Variants in SRP72 observed in about 807,000 individuals in gnomAD.
SRP72 encodes signal recognition particle 72.
Under a neutral mutation model 96.3 loss-of-function variants are expected in SRP72, and 49 were observed. The ratio of observed to expected loss-of-function variants is 0.51; its 90% CI spans 0.40 to 0.65. The LOEUF (loss-of-function observed/expected upper bound fraction) is 0.65. Among genes scored for constraint, SRP72 ranks in the 30% least tolerant of loss-of-function variants. SRP72 has a pLI of 0.00. For synonymous variants in SRP72, 267 were observed against 275.2 expected (o/e 0.97, Z 0.30); for missense variants, 736 against 793.3 (o/e 0.93, Z 0.87).
intron 3 of SRP72, among the ~76,000 whole-genome samples, chr4:56,472,838 G>A (rs911707654): frequency 1.3e-5 from 2 of 152,082 alleles, no homozygotes; most frequent in Non-Finnish European, 2.9e-5. Flanking sequence ...AGCATTTTGA[G>A]GTTAAGGACA....
chr4:56,496,373 G>T (rs1196459292), intron 17 of SRP72, among the ~76,000 whole-genome samples: 2 of 152,058 alleles, frequency 1.3e-5, no homozygotes, highest in Non-Finnish European at 2.9e-5. Flanking sequence ...TACCATTTTA[G>T]TGGAGTTTGA....
At chr4:56,492,660 AC>A (rs1720949143) in intron 16 of SRP72, among the ~76,000 whole-genome samples, 1 of 152,220 alleles carries the variant, frequency 6.6e-6, no homozygotes, top group South Asian at 2.1e-4. Flanking sequence ...TCTCATAATA[AC>A]TTCCAAAACT....
intron 17 of SRP72, among the ~76,000 whole-genome samples, chr4:56,500,227 G>A (rs1053094460): frequency 7.2e-5 from 11 of 152,012 alleles, no homozygotes; most frequent in Non-Finnish European, 2.9e-5. Context: ...GCGGTGGGAG[G>A]CTAGGGGAGG....
chr4:56,491,621 A>G (rs889975073), intron 16 of SRP72, 53 bp downstream of exon 16: 9 of 1,520,880 alleles, frequency 5.9e-6, no homozygotes, highest in African/African-American at 1.4e-5. Flanking sequence ...TTAGACAAGG[A>G]ATAAAAAATA....
chr4:56,478,684 T>G, intron 8 of SRP72, 35 bp downstream of exon 8: 1 of 1,591,090 alleles, frequency 6.3e-7, no homozygotes, highest in Non-Finnish European at 8.6e-7. Flanking sequence ...AGATATATTT[T>G]ACCCTGAAAG....
At chr4:56,493,373 A>G (rs901658350) in intron 16 of SRP72, among the ~76,000 whole-genome samples, 2 of 152,106 alleles carry the variant, frequency 1.3e-5, no homozygotes, top group Non-Finnish European at 2.9e-5. Flanking sequence ...TAAGATATAC[A>G]TTGACTTTTT....
Position 56,484,842 on chromosome 4 carries a change from C to T in SRP72, c.1064C>T (p.Thr355Ile). The change falls in exon 10 of 19, where the codon ACA becomes ATA. Residue 355 changes from threonine (T) to isoleucine (I), a missense_variant. Thr to Ile is a moderately conservative substitution (Grantham distance 89). This residue lies in a region of SRP72 where 388 missense variants were observed against 431.8 expected (regional missense o/e 0.90). Transcript: ENST00000642900. ...CAGCTCTGCCGTGAAAAGCAGCACA[C>T]AAAAGCAATAGAGCTGCTTCAGGTA... ...AAQLCREKQHTKAIELLQEFS... is the reference protein window; with the variant it reads ...AAQLCREKQHIKAIELLQEFS... The T allele has an allele frequency of 6.2e-7, 1 of 1,613,166 alleles. No homozygotes were observed. Among genetic ancestry groups the T allele is most frequent in the Non-Finnish European group, 8.5e-7 (1 of 1,179,842 alleles).
At chr4:56,478,713 GT>G (rs1411207202) in intron 8 of SRP72, 64 bp downstream of exon 8, 1 of 1,527,442 alleles carries the variant, frequency 6.5e-7, no homozygotes, top group Admixed American at 1.9e-5. Context: ...CCTAGTTTTA[GT>G]TTTGTTCTAG....
At chr4:56,468,261 G>A (rs1308239306) in intron 1 of SRP72, among the ~76,000 whole-genome samples, 1 of 152,134 alleles carries the variant, frequency 6.6e-6, no homozygotes, top group Non-Finnish European at 1.5e-5. Context: ...GAGAGGAAAG[G>A]GCTGGATCTG....
intron 8 of SRP72, among the ~76,000 whole-genome samples, chr4:56,479,103 T>C (rs1720365797): frequency 1.3e-5 from 2 of 152,134 alleles, no homozygotes; most frequent in Non-Finnish European, 2.9e-5. Context: ...CCATGTAAAA[T>C]ACTATAAATA....
At chr4:56,473,980 A>G (rs1560675720) in intron 3 of SRP72, 74 bp from the exon 4 acceptor site, 8 of 1,485,724 alleles carry the variant, frequency 5.4e-6, no homozygotes, top group African/African-American at 1.4e-5. Flanking sequence ...AGTGGTTCCA[A>G]AAAAGGTTTG....
chr4:56,476,535 G>A (rs572576720), intron 5 of SRP72, 136 bp from the exon 6 acceptor site: 3 of 872,430 alleles, frequency 3.4e-6, no homozygotes, highest in Admixed American at 2.3e-5. Flanking sequence ...TGATGCTAAT[G>A]TAAATTTCAC....
intron 12 of SRP72, among the ~76,000 whole-genome samples, chr4:56,488,328 A>G (rs926259445): frequency 4.6e-5 from 7 of 152,176 alleles, no homozygotes; most frequent in African/African-American, 1.4e-4. Flanking sequence ...AATTAGAACA[A>G]TTTCATAATT....
intron 9 of SRP72, among the ~76,000 whole-genome samples, chr4:56,484,223 A>T (rs1290334918): frequency 6.6e-6 from 1 of 151,588 alleles, no homozygotes; most frequent in Non-Finnish European, 1.5e-5. Flanking sequence ...TTTAGTAGAG[A>T]CGGGGTTTCA....
intron 8 of SRP72, among the ~76,000 whole-genome samples, chr4:56,478,871 T>C (rs1256311362): frequency 1.3e-5 from 2 of 152,188 alleles, no homozygotes; most frequent in Non-Finnish European, 2.9e-5. Flanking sequence ...CCCTAGACTT[T>C]AAGATCCTCC....
chr4:56,502,465 TTATATATATATATA>T lies in SRP72; in HGVS notation c.*608_*621del, dbSNP rs201131530. 7.7e-6 allele frequency: 1 copy of T among 129,344 alleles called. No individual in the cohort carries two copies. Among genetic ancestry groups the T allele is most frequent in the South Asian group, 2.4e-4 (1 of 4,146 alleles). 8.0% of individuals were successfully genotyped at this position (129,344 alleles called of 1,614,324 possible). A position where few individuals can be genotyped will look rare whatever the true frequency, so the allele number is the denominator to read the frequency against. On this transcript the variant is annotated 3_prime_UTR_variant, in exon 19 of 19. Coordinates refer to ENST00000642900, the MANE Select transcript of SRP72 (RefSeq NM_006947.4). ...CTGGAATATGGGATACTTTTCATGT[TTATATATATATATA>T]TATGTATATATATATACATATATAT... is the stretch of plus-strand genomic sequence containing the variant.
chr4:56,471,944 C>G, intron 3 of SRP72, 101 bp downstream of exon 3: 1 of 1,421,772 alleles, frequency 7.0e-7, no homozygotes, highest in Non-Finnish European at 9.5e-7. Flanking sequence ...TCCTGATGCT[C>G]CACAAAACTG....
At chr4:56,475,799 A>G (rs1720194959) in intron 5 of SRP72, 1 of 152,162 alleles carries the variant, frequency 6.6e-6, no homozygotes, top group Admixed American at 6.5e-5. Context: ...CTACCCTTTG[A>G]TCCAATAATT....
intron 6 of SRP72, 54 bp downstream of exon 6, chr4:56,476,756 T>G: frequency 1.9e-6 from 3 of 1,554,326 alleles, no homozygotes; most frequent in Non-Finnish European, 2.7e-6. Flanking sequence ...CTATGATAGA[T>G]TACTGAGGCT....
Sources: gnomAD v4.1 joint callset for allele counts (sites outside exome capture counted in the v4.1 genomes callset) on GRCh38, gnomAD v4.1.1 for gene constraint, gnomAD v4.1.1 regional missense constraint, MANE v1.5 for transcripts, NCBI Gene and HGNC (gene_info 2026-07-23, HGNC 2026-07-21) for gene names.